Variants in ZFAND3 observed in about 807,000 individuals in gnomAD.
ZFAND3 encodes the protein zinc finger AN1-type containing 3, also known as AN1-type zinc finger protein 3.
ZFAND3 carries 10 observed loss-of-function variants against 29.6 expected under a neutral mutation model. The observed-to-expected ratio is 0.34, with a 90% CI of 0.21 to 0.57. The LOEUF is 0.57. Ranked by LOEUF, ZFAND3 falls within the 20% of genes least tolerant of loss-of-function variation. ZFAND3 has a pLI of 0.86. For synonymous variants in ZFAND3, 128 were observed against 112.6 expected (o/e 1.14, Z -0.87); for missense variants, 230 against 304.5 (o/e 0.76, Z 1.82).
chr6:37,976,392 A>G (rs112895116), intron 2 of ZFAND3, among the ~76,000 whole-genome samples: 10,834 of 151,932 alleles, frequency 0.071, 457 homozygotes, highest in Non-Finnish European at 0.087. Flanking sequence ...GACCAGACTG[A>G]CCAACATGGT....
At chr6:37,954,303 C>T (rs1055204089) in intron 2 of ZFAND3, among the ~76,000 whole-genome samples, 3 of 152,046 alleles carry the variant, frequency 2.0e-5, no homozygotes, top group African/African-American at 7.2e-5. Context: ...AAACACCTCC[C>T]TTCCCTCTCC....
Position 37,885,232 on chromosome 6 carries a change from G to T in ZFAND3, c.72-44727G>T, listed in dbSNP as rs1764968511. Among the ~76,000 whole-genome samples, 2 of 152,086 alleles carry T rather than the reference G, an allele frequency of 1.3e-5. 1 individual carries two copies. Among genetic ancestry groups the T allele is most frequent in the South Asian group, 4.1e-4 (2 of 4,828 alleles). On this transcript the variant is annotated intron_variant, in intron 1 of 5. Coordinates refer to ENST00000287218, the MANE Select transcript of ZFAND3 (RefSeq NM_021943.3). The stretch of plus-strand genomic sequence containing the variant: ...AATTGTCAAGTTGAAGGATACTAAA[G>T]GTCTCTATTGAGGTGACTATAAAGA...
chr6:38,128,009 C>T (rs1165645196), intron 5 of ZFAND3, among the ~76,000 whole-genome samples: 3 of 152,228 alleles, frequency 2.0e-5, no homozygotes, highest in Non-Finnish European at 4.4e-5. Context: ...ACTCTCTTAA[C>T]TTCTTCTTGT....
chr6:38,138,694 GA>G (rs1765890711), intron 5 of ZFAND3, among the ~76,000 whole-genome samples: 2 of 152,220 alleles, frequency 1.3e-5, no homozygotes, highest in African/African-American at 4.8e-5. Flanking sequence ...GAGGAGTAAG[GA>G]AAAGAGAGGA....
At chr6:38,146,573 G>T (rs964031719) in intron 5 of ZFAND3, among the ~76,000 whole-genome samples, 1 of 152,196 alleles carries the variant, frequency 6.6e-6, no homozygotes, top group African/African-American at 2.4e-5. Context: ...AAGCTCTGCA[G>T]CTTCCTCCTG....
chr6:37,913,708 C>CTTTTTTTTTTTTT (rs56045448), intron 1 of ZFAND3, among the ~76,000 whole-genome samples: 1,247 of 112,882 alleles, frequency 0.011, 92 homozygotes, highest in Non-Finnish European at 0.018. Flanking sequence ...CAGCTATATT[C>CTTTTTTTTTTTTT]TTTTTTTTTT....
At chr6:37,958,354 TG>T (rs202234023) in intron 2 of ZFAND3, among the ~76,000 whole-genome samples, 9,554 of 151,104 alleles carry the variant, frequency 0.063, 421 homozygotes, top group Non-Finnish European at 0.092. Flanking sequence ...CTCGGGAGGC[TG>T]AGGCAGGAGA....
At chr6:37,829,739 G>A (rs1156499951) in intron 1 of ZFAND3, among the ~76,000 whole-genome samples, 1 of 152,162 alleles carries the variant, frequency 6.6e-6, no homozygotes, top group East Asian at 1.9e-4. Context: ...CACCCATGCT[G>A]TAGCACTTCC....
intron 2 of ZFAND3, among the ~76,000 whole-genome samples, chr6:37,998,912 T>C (rs1762897680): frequency 6.6e-6 from 1 of 152,164 alleles, no homozygotes; most frequent in Non-Finnish European, 1.5e-5. Context: ...CACAGATTGG[T>C]ATACACATAT....
chr6:38,108,623 CAG>C (rs1331264070), intron 4 of ZFAND3, among the ~76,000 whole-genome samples: 1 of 152,230 alleles, frequency 6.6e-6, no homozygotes, highest in African/African-American at 2.4e-5. Flanking sequence ...GACCAGCAAA[CAG>C]ACTTATCCCA....
chr6:38,049,247 A>G (rs530248840), intron 2 of ZFAND3, among the ~76,000 whole-genome samples: 9 of 152,234 alleles, frequency 5.9e-5, no homozygotes, highest in Admixed American at 1.3e-4. Context: ...TCATTGCATT[A>G]GTCTCAAGCT....
intron 3 of ZFAND3, chr6:38,062,463 A>G (rs536515867): frequency 3.3e-5 from 5 of 151,496 alleles, no homozygotes; most frequent in African/African-American, 9.7e-5. Flanking sequence ...GCTGACTGCA[A>G]CCTCTACCTC....
chr6:37,931,564 AAACC>A (rs1761596328), intron 2 of ZFAND3, among the ~76,000 whole-genome samples: 1 of 151,798 alleles, frequency 6.6e-6, no homozygotes, highest in Non-Finnish European at 1.5e-5. Flanking sequence ...AACAAAAAAA[AAACC>A]AACCAAACAA....
At chr6:38,065,772 C>G (rs886544622) in intron 3 of ZFAND3, among the ~76,000 whole-genome samples, 1 of 152,034 alleles carries the variant, frequency 6.6e-6, no homozygotes, top group Admixed American at 6.5e-5. Flanking sequence ...AAAATGCTAC[C>G]GAGGCTGTAA....
At chr6:37,955,491 T>C (rs1762072486) in intron 2 of ZFAND3, among the ~76,000 whole-genome samples, 1 of 152,188 alleles carries the variant, frequency 6.6e-6, no homozygotes, top group South Asian at 2.1e-4. Context: ...AGTATTATAT[T>C]TGAGCTTTTA....
chr6:37,879,776 A>G lies in ZFAND3; in HGVS notation c.72-50183A>G, dbSNP rs192276732. On this transcript the variant is annotated intron_variant, in intron 1 of 5. Transcript: ENST00000287218. ...TGTGAGTTAGGGTATGAAATACTGA[A>G]TAACACTTGAAACCAGATATATCTG... Among the ~76,000 whole-genome samples, 284 of 152,318 alleles carry G rather than the reference A, an allele frequency of 1.9e-3. 1 individual carries two copies. Among genetic ancestry groups the G allele is most frequent in the African/African-American group, 6.0e-3 (251 of 41,568 alleles).
chr6:37,843,224 G>A (rs1764111911), intron 1 of ZFAND3, among the ~76,000 whole-genome samples: 1 of 152,042 alleles, frequency 6.6e-6, no homozygotes, highest in East Asian at 1.9e-4. Context: ...GGTAGCTCAT[G>A]CCTGTAATCC....
chr6:38,028,607 C>T (rs1368565276), intron 2 of ZFAND3, among the ~76,000 whole-genome samples: 1 of 152,144 alleles, frequency 6.6e-6, no homozygotes, highest in African/African-American at 2.4e-5. Context: ...TGTCCCATTG[C>T]GACTAAAGTC....
intron 1 of ZFAND3, among the ~76,000 whole-genome samples, chr6:37,901,299 A>G (rs1765314757): frequency 6.6e-6 from 1 of 152,198 alleles, no homozygotes; most frequent in Non-Finnish European, 1.5e-5. Context: ...TAAGAGATGA[A>G]AAGTTATCAA....
Sources: gnomAD v4.1 joint callset for allele counts (sites outside exome capture counted in the v4.1 genomes callset) on GRCh38, gnomAD v4.1.1 for gene constraint, MANE v1.5 for transcripts, NCBI Gene and HGNC (gene_info 2026-07-23, HGNC 2026-07-21) for gene names.